SPACA7: variants seen among roughly 807,000 people sequenced by gnomAD.
The protein encoded by SPACA7 is sperm acrosome associated 7.
Under a neutral mutation model 26.3 loss-of-function variants are expected in SPACA7, and 19 were observed. The ratio of observed to expected loss-of-function variants is 0.72; its 90% CI spans 0.50 to 1.06. The LOEUF is 1.06. Ranked by LOEUF, SPACA7 falls within the 50% of genes least tolerant of loss-of-function variation. SPACA7 has a pLI of 0.00. For missense variants in SPACA7, 211 were observed against 229.9 expected (o/e 0.92, Z 0.53); for synonymous variants, 84 against 84.5 (o/e 0.99, Z 0.04).
chr13:112,402,139 C>T (rs796894745), intron 5 of SPACA7, among the ~76,000 whole-genome samples: 29 of 152,250 alleles, frequency 1.9e-4, no homozygotes, highest in African/African-American at 7.0e-4. Context: ...AAATAACTGG[C>T]AGTTTTACAA....
At chr13:112,404,552 T>A (rs1353179185) in intron 5 of SPACA7, among the ~76,000 whole-genome samples, 1 of 152,238 alleles carries the variant, frequency 6.6e-6, no homozygotes, top group African/African-American at 2.4e-5. Context: ...GTTTCAGGTC[T>A]TAAATTTAAG....
chr13:112,408,484 C>G (rs547323958), intron 5 of SPACA7, among the ~76,000 whole-genome samples: 1 of 152,014 alleles, frequency 6.6e-6, no homozygotes, highest in Non-Finnish European at 1.5e-5. Context: ...CGTCTCAGCC[C>G]AAAATCTCCT....
At chr13:112,400,679 C>T (rs555196762) in intron 4 of SPACA7, among the ~76,000 whole-genome samples, 1 of 152,328 alleles carries the variant, frequency 6.6e-6, no homozygotes, top group African/African-American at 2.4e-5. Context: ...TTCCTGCCCG[C>T]ACTCCTTTCT....
At chr13:112,384,589 G>A (rs1270422233) in intron 1 of SPACA7, among the ~76,000 whole-genome samples, 1 of 152,036 alleles carries the variant, frequency 6.6e-6, no homozygotes, top group Non-Finnish European at 1.5e-5. Context: ...TTGTCAAATA[G>A]CAAAGGTTTA....
chr13:112,418,742 C>G (rs77607697), intron 5 of SPACA7, among the ~76,000 whole-genome samples: 3,114 of 152,282 alleles, frequency 0.02, 98 homozygotes, highest in African/African-American at 0.07. Context: ...GGATAATAAG[C>G]AGCAGGCAAA....
At chr13:112,393,446 A>C (rs1885026982) in intron 2 of SPACA7, among the ~76,000 whole-genome samples, 1 of 151,162 alleles carries the variant, frequency 6.6e-6, no homozygotes, top group South Asian at 2.1e-4. Flanking sequence ...ACCTGATGCC[A>C]CCGATTCCTG....
chr13:112,420,408 A>C (rs1190535974), intron 5 of SPACA7, among the ~76,000 whole-genome samples: 2 of 152,218 alleles, frequency 1.3e-5, no homozygotes, highest in Non-Finnish European at 2.9e-5. Context: ...TACTAGAAAT[A>C]AAATACATAA....
intron 5 of SPACA7, among the ~76,000 whole-genome samples, chr13:112,403,287 A>AT (rs1213058607): frequency 6.6e-6 from 1 of 152,130 alleles, no homozygotes; most frequent in Middle Eastern, 3.2e-3. Flanking sequence ...TCATCTCCTG[A>AT]TTTTAAAAAA....
chr13:112,404,054 A>G (rs4097399), intron 5 of SPACA7, among the ~76,000 whole-genome samples: 99,792 of 152,090 alleles, frequency 0.66, 33,290 homozygotes, highest in African/African-American at 0.78. Flanking sequence ...GTGGAGAAGC[A>G]TTCCCTTTTT....
At chr13:112,389,574 T>G (rs1373872132) in intron 1 of SPACA7, among the ~76,000 whole-genome samples, 1 of 152,224 alleles carries the variant, frequency 6.6e-6, no homozygotes, top group Non-Finnish European at 1.5e-5. Context: ...CAAGCACATC[T>G]TTTTTCTCTA....
intron 5 of SPACA7, among the ~76,000 whole-genome samples, chr13:112,401,754 G>A (rs1286213471): frequency 6.6e-6 from 1 of 152,184 alleles, no homozygotes; most frequent in Non-Finnish European, 1.5e-5. Flanking sequence ...TCCATTTGGA[G>A]TTTATCTCTG....
At chr13:112,409,910 T>A (rs1373019175) in intron 5 of SPACA7, among the ~76,000 whole-genome samples, 1 of 152,212 alleles carries the variant, frequency 6.6e-6, no homozygotes, top group African/African-American at 2.4e-5. Flanking sequence ...TAAAGATGCA[T>A]GCACACGTAT....
rs985353285 is a variant in SPACA7, at chr13:112,401,583, T to C, written c.445+419T>C. Reference sequence around the variant, plus strand: ...TTTTGACTACGTTTATAATTTTTCATGCAAAAAAAGTCAATTTTTGTGTAG... The same window carrying C: ...TTTTGACTACGTTTATAATTTTTCACGCAAAAAAAGTCAATTTTTGTGTAG... On this transcript the variant is annotated intron_variant, in intron 5 of 6. Coordinates refer to ENST00000283550, the MANE Select transcript of SPACA7 (RefSeq NM_145248.5). 1.5e-4 allele frequency among the ~76,000 whole-genome samples: 23 copies of C among 152,294 alleles called. No homozygotes were observed. The South Asian group carries it at 4.6e-3, about 30-fold the overall frequency.
At chr13:112,399,560 C>G (rs1226175651) in intron 4 of SPACA7, among the ~76,000 whole-genome samples, 2 of 152,320 alleles carry the variant, frequency 1.3e-5, no homozygotes, top group East Asian at 3.9e-4. Flanking sequence ...GGGGGTCCCC[C>G]AGAAGTAGGG....
intron 5 of SPACA7, among the ~76,000 whole-genome samples, chr13:112,418,584 G>T (rs961943661): frequency 1.3e-5 from 2 of 152,184 alleles, no homozygotes; most frequent in African/African-American, 4.8e-5. Flanking sequence ...GACACTTTGG[G>T]TCAGAGGGCA....
rs538292802 is a variant in SPACA7, at chr13:112,418,924, G to C, written c.446-13520G>C. Among the ~76,000 whole-genome samples the C allele has an allele frequency of 2.9e-4, 44 of 152,168 alleles. No individual in the cohort carries two copies. In the South Asian group the frequency reaches 8.7e-3, roughly 30 times the overall value. ...TGTAATTCCAGCTACTTGGGAGGCT[G>C]AGGCAGGAGAATCACTTGAACCCAG... On this transcript the variant is annotated intron_variant, in intron 5 of 6. Transcript: ENST00000283550.
chr13:112,394,981 T>C (rs900148714), intron 2 of SPACA7, among the ~76,000 whole-genome samples: 22 of 152,180 alleles, frequency 1.4e-4, no homozygotes, highest in African/African-American at 5.1e-4. Context: ...ACAGTGAGAA[T>C]TCAAATCCCT....
chr13:112,424,676 C>T (rs967145010), intron 5 of SPACA7, among the ~76,000 whole-genome samples: 1 of 152,208 alleles, frequency 6.6e-6, no homozygotes, highest in African/African-American at 2.4e-5. Context: ...CTCCTCCAGC[C>T]TGAGTTATGC....
chr13:112,406,158 T>A (rs1267478105), intron 5 of SPACA7, among the ~76,000 whole-genome samples: 1 of 152,230 alleles, frequency 6.6e-6, no homozygotes, highest in Non-Finnish European at 1.5e-5. Flanking sequence ...TTAAACATAT[T>A]CATAATGCTG....
Sources: allele counts gnomAD v4.1 joint callset (sites outside exome capture counted in the v4.1 genomes callset), GRCh38; gene constraint gnomAD v4.1.1; transcripts MANE v1.5; gene names NCBI Gene and HGNC (gene_info 2026-07-23, HGNC 2026-07-21).